THSD7B: variants seen among roughly 807,000 people sequenced by gnomAD.
THSD7B encodes the protein thrombospondin type-1 domain-containing protein 7B.
THSD7B carries 138 observed loss-of-function variants against 213.6 expected under a neutral mutation model. The ratio of observed to expected loss-of-function variants is 0.65; its 90% CI spans 0.56 to 0.74. The LOEUF is 0.74. Ranked by LOEUF, THSD7B falls within the 30% of genes least tolerant of loss-of-function variation. The pLI is 0.00. For synonymous variants in THSD7B, 742 were observed against 687.0 expected, an observed-to-expected ratio of 1.08 and a Z score of -1.25; for missense variants, 1,931 against 1,991.5, an observed-to-expected ratio of 0.97 and a Z score of 0.58.
chr2:137,471,775 C>G (rs1353708466), intron 15 of THSD7B, among the ~76,000 whole-genome samples: 2 of 152,102 alleles, frequency 1.3e-5, no homozygotes, highest in African/African-American at 4.8e-5. Context: ...CCCCTAGACT[C>G]TGCACCTTCT....
At chr2:137,080,636 T>C (rs1356510400) in intron 3 of THSD7B, among the ~76,000 whole-genome samples, 2 of 152,152 alleles carry the variant, frequency 1.3e-5, no homozygotes, top group African/African-American at 4.8e-5. Context: ...GTTTGTTATG[T>C]CAGTTTTAAA....
At chr2:137,269,035 A>T (rs1650441489) in intron 10 of THSD7B, among the ~76,000 whole-genome samples, 1 of 152,180 alleles carries the variant, frequency 6.6e-6, no homozygotes, top group Non-Finnish European at 1.5e-5. Flanking sequence ...GGAAATATAC[A>T]TGCACACACA....
At position 137,246,273 on chromosome 2, in the gene THSD7B, G is replaced by A. The variant is rs1682034870; in HGVS notation, c.2266+3701G>A. 2.0e-5 allele frequency among the ~76,000 whole-genome samples: 3 copies of A among 152,190 alleles called. No homozygotes were observed. The South Asian group carries it at 6.2e-4, about 31-fold the overall frequency. Reference sequence around the variant, plus strand: ...CAGGTTGGGTCATCAAAGTTGAGAAGCGGTTATGTCTGTGGTCTTCAAAGT... The same window carrying A: ...CAGGTTGGGTCATCAAAGTTGAGAAACGGTTATGTCTGTGGTCTTCAAAGT... On this transcript the variant is annotated intron_variant, in intron 10 of 27. Transcript: ENST00000409968.
chr2:137,035,578 C>T (rs1456484758), intron 2 of THSD7B, among the ~76,000 whole-genome samples: 1 of 151,162 alleles, frequency 6.6e-6, no homozygotes, highest in Non-Finnish European at 1.5e-5. Flanking sequence ...TTTTTTAAAC[C>T]ATTCTATCCT....
intron 2 of THSD7B, among the ~76,000 whole-genome samples, chr2:136,988,233 A>T (rs1311503545): frequency 8.5e-5 from 13 of 152,180 alleles, no homozygotes; most frequent in Admixed American, 8.5e-4. Flanking sequence ...TAAGAAAAGC[A>T]AGTGAGTCAG....
chr2:137,109,712 T>C (rs1273059978), intron 4 of THSD7B, among the ~76,000 whole-genome samples: 2 of 151,992 alleles, frequency 1.3e-5, no homozygotes, highest in African/African-American at 4.8e-5. Flanking sequence ...TCGGTGGCAA[T>C]GTGAGTGATG....
chr2:136,833,758 T>C (rs1682797883), intron 1 of THSD7B, among the ~76,000 whole-genome samples: 1 of 152,206 alleles, frequency 6.6e-6, no homozygotes, highest in Admixed American at 6.5e-5. Flanking sequence ...CTTTCTCATA[T>C]GTCATAGGTC....
intron 15 of THSD7B, among the ~76,000 whole-genome samples, chr2:137,557,793 A>G (rs1203575966): frequency 2.6e-5 from 4 of 152,208 alleles, no homozygotes; most frequent in African/African-American, 9.7e-5. Flanking sequence ...TTTTGAAAAG[A>G]TCAACAAAAT....
intron 20 of THSD7B, among the ~76,000 whole-genome samples, chr2:137,640,114 T>C (rs1451061178): frequency 6.6e-6 from 1 of 152,086 alleles, no homozygotes; most frequent in Non-Finnish European, 1.5e-5. Flanking sequence ...TCAACTTGAA[T>C]TGTATCTCCA....
intron 2 of THSD7B, among the ~76,000 whole-genome samples, chr2:137,013,241 T>C (rs1573766792): frequency 6.6e-6 from 1 of 152,272 alleles, no homozygotes; most frequent in African/African-American, 2.4e-5. Context: ...TGACAAAATA[T>C]ATGAAACAAT....
chr2:137,141,276 G>T (rs1462120549), intron 5 of THSD7B, among the ~76,000 whole-genome samples: 2 of 152,060 alleles, frequency 1.3e-5, no homozygotes, highest in East Asian at 1.9e-4. Context: ...GTGTGTCAGT[G>T]CCAGCTACAA....
intron 4 of THSD7B, among the ~76,000 whole-genome samples, chr2:137,110,226 G>C (rs6720079): frequency 0.87 from 132,876 of 152,214 alleles, 58,388 homozygotes; most frequent in African/African-American, 0.94. Context: ...GGGGCTTTCT[G>C]TCTCTCACTG....
At chr2:136,886,499 G>A (rs540693695) in intron 2 of THSD7B, among the ~76,000 whole-genome samples, 56 of 152,262 alleles carry the variant, frequency 3.7e-4, no homozygotes, top group South Asian at 8.3e-4. Flanking sequence ...TGATTTTGCC[G>A]TGCTGGGGAC....
intron 2 of THSD7B, among the ~76,000 whole-genome samples, chr2:136,907,979 GT>G (rs1283935529): frequency 6.6e-6 from 1 of 152,054 alleles, no homozygotes; most frequent in African/African-American, 2.4e-5. Flanking sequence ...TTTATCTGAA[GT>G]TTTTTTTATT....
chr2:137,278,650 G>A (rs1467294946), intron 12 of THSD7B, among the ~76,000 whole-genome samples: 1 of 152,090 alleles, frequency 6.6e-6, no homozygotes, highest in Non-Finnish European at 1.5e-5. Flanking sequence ...GACCACTGCT[G>A]TTCACAGGCC....
chr2:136,852,120 G>T (rs1170131259), intron 1 of THSD7B, among the ~76,000 whole-genome samples: 1 of 152,028 alleles, frequency 6.6e-6, no homozygotes, highest in Non-Finnish European at 1.5e-5. Context: ...AGCCCTTAAA[G>T]GCAGAGAACT....
At chr2:136,938,172 T>A (rs143979913) in intron 2 of THSD7B, among the ~76,000 whole-genome samples, 144 of 152,278 alleles carry the variant, frequency 9.5e-4, no homozygotes, top group African/African-American at 3.4e-3. Context: ...AGCTCACACC[T>A]GGAGAAAACA....
intron 7 of THSD7B, among the ~76,000 whole-genome samples, chr2:137,187,316 C>G (rs1680569584): frequency 6.6e-6 from 1 of 152,108 alleles, no homozygotes; most frequent in Non-Finnish European, 1.5e-5. Context: ...AAGGAATGAC[C>G]TGACCTGCCT....
At chr2:137,667,911 A>T (rs1683481959) in intron 27 of THSD7B, 50 bp downstream of exon 27, 1 of 1,432,974 alleles carries the variant, frequency 7.0e-7, no homozygotes. Context: ...TATGGATTTC[A>T]TGTTATACTT....
Sources: gnomAD v4.1 joint callset for allele counts (sites outside exome capture counted in the v4.1 genomes callset) on GRCh38, gnomAD v4.1.1 for gene constraint, MANE v1.5 for transcripts, NCBI Gene and HGNC (gene_info 2026-07-23, HGNC 2026-07-21) for gene names.